OTUD7B: variants seen among roughly 807,000 people sequenced by gnomAD.
OTUD7B encodes OTU domain-containing protein 7B.
OTUD7B carries 34 observed loss-of-function variants against 82.2 expected under a neutral mutation model. The observed-to-expected ratio is 0.41, with a 90% CI of 0.31 to 0.55. The LOEUF is 0.55. Among genes scored for constraint, OTUD7B ranks in the 20% least tolerant of loss-of-function variants. The pLI, the probability that OTUD7B is intolerant of heterozygous loss-of-function variation, is 0.20. For synonymous variants in OTUD7B, 398 were observed against 402.7 expected (o/e 0.99, Z 0.14); for missense variants, 944 against 1,062.1 (o/e 0.89, Z 1.55).
rs782175104 is a variant in OTUD7B at position 149,944,572 on chromosome 1, T to A, written c.1817A>T (p.Glu606Val). The change falls in exon 12 of 12, where the codon GAG becomes GTG. Residue 606 changes from glutamate to valine, a missense_variant. Physicochemically the swap from Glu to Val is moderately radical, Grantham distance 121. Around this residue, in one of 3 missense-constraint regions of OTUD7B, gnomAD observed 412 missense variants for 418.7 expected, o/e 0.98. Coordinates refer to ENST00000581312, the MANE Select transcript of OTUD7B (RefSeq NM_020205.4). ...LSILRTAMQG[E>V]GKFIFVGTLK... ...GGTTCCAACAAAAATAAACTTCCCCTCCCCTTGCATGGCAGTCCTCAGAAT... is the reference window on the plus strand; with the variant it reads ...GGTTCCAACAAAAATAAACTTCCCCACCCCTTGCATGGCAGTCCTCAGAAT... The A allele has an allele frequency of 1.1e-5, 18 of 1,613,854 alleles. No individual in the cohort carries two copies. The African/African-American group carries it at 2.3e-4, about 20-fold the overall frequency.
the OTUD7B span, among the ~76,000 whole-genome samples, chr1:150,017,596 C>G: frequency 6.6e-6 from 1 of 152,310 alleles, no homozygotes; most frequent in East Asian, 1.9e-4. Flanking sequence ...ACTACCAACA[C>G]TTTAGCTCAG....
chr1:149,958,815 A>G (rs1028604049), intron 7 of OTUD7B, among the ~76,000 whole-genome samples: 3 of 151,010 alleles, frequency 2.0e-5, no homozygotes, highest in African/African-American at 7.3e-5. Context: ...TGCTGTCACA[A>G]CTCACTGCAG....
intron 6 of OTUD7B, 180 bp downstream of exon 6, chr1:149,964,042 T>G (rs1571635937): frequency 3.2e-6 from 2 of 632,770 alleles, no homozygotes; most frequent in East Asian, 5.6e-5. Context: ...CCAGTTCTCA[T>G]GACCACATCA....
chr1:149,983,045 G>A (rs966432812), intron 1 of OTUD7B, among the ~76,000 whole-genome samples: 1 of 151,574 alleles, frequency 6.6e-6, no homozygotes. Context: ...TTAGTAGAGA[G>A]GGGGTTTCAC....
the OTUD7B span, among the ~76,000 whole-genome samples, chr1:150,057,729 G>C: frequency 6.6e-6 from 1 of 152,292 alleles, no homozygotes; most frequent in East Asian, 1.9e-4. Flanking sequence ...TCTGTGTCTT[G>C]ATACTCTAAA....
At chr1:149,983,727 C>T (rs1040566900) in intron 1 of OTUD7B, among the ~76,000 whole-genome samples, 6 of 152,026 alleles carry the variant, frequency 3.9e-5, no homozygotes, top group African/African-American at 1.5e-4. Flanking sequence ...TGGGAAGCCA[C>T]TGAAAGGTTG....
At chr1:149,979,953 A>G (rs1449381628) in intron 1 of OTUD7B, among the ~76,000 whole-genome samples, 4 of 152,184 alleles carry the variant, frequency 2.6e-5, no homozygotes, top group African/African-American at 9.7e-5. Context: ...GCAACTGTAA[A>G]GCCATTTTAA....
chr1:149,999,207 A>C (rs1180469966), intron 1 of OTUD7B, among the ~76,000 whole-genome samples: 1 of 152,238 alleles, frequency 6.6e-6, no homozygotes, highest in African/African-American at 2.4e-5. Flanking sequence ...CTAGTATATT[A>C]TACAAAATTA....
chr1:149,964,185 T>G, intron 6 of OTUD7B, 37 bp downstream of exon 6: 3 of 1,605,246 alleles, frequency 1.9e-6, no homozygotes, highest in Non-Finnish European at 2.5e-6. Flanking sequence ...GCTTGGTAAC[T>G]TTAGGAAACA....
upstream of OTUD7B, among the ~76,000 whole-genome samples, chr1:150,015,274 T>TC (rs1653230751): frequency 4.6e-5 from 3 of 65,394 alleles, no homozygotes; most frequent in Non-Finnish European, 8.8e-5. Context: ...GTTCCTAAAT[T>TC]TCTTTTTTTC....
the OTUD7B span, among the ~76,000 whole-genome samples, chr1:150,020,641 A>C: frequency 2.0e-5 from 3 of 152,196 alleles, no homozygotes; most frequent in African/African-American, 7.2e-5. Flanking sequence ...TCCTATTTAA[A>C]ATTAAAACTG....
intron 1 of OTUD7B, among the ~76,000 whole-genome samples, chr1:149,979,983 G>A (rs587713555): frequency 6.6e-6 from 1 of 152,182 alleles, no homozygotes; most frequent in African/African-American, 2.4e-5. Flanking sequence ...GAAAGAATGT[G>A]AGAAATATAC....
At chr1:150,008,783 A>G (rs1652830655) in intron 1 of OTUD7B, among the ~76,000 whole-genome samples, 1 of 152,170 alleles carries the variant, frequency 6.6e-6, no homozygotes, top group African/African-American at 2.4e-5. Context: ...AAATCGAAAA[A>G]ATCTATTTTG....
chr1:150,063,997 C>A, the OTUD7B span, among the ~76,000 whole-genome samples: 34 of 152,188 alleles, frequency 2.2e-4, no homozygotes, highest in African/African-American at 7.9e-4. Flanking sequence ...AAGATCAAGT[C>A]TTAATGGAAA....
chr1:150,042,207 C>G, the OTUD7B span, among the ~76,000 whole-genome samples: 1 of 146,808 alleles, frequency 6.8e-6, no homozygotes, highest in South Asian at 2.2e-4. Flanking sequence ...TCATCTCACT[C>G]TGTCGCCCAG....
chr1:149,998,560 T>G (rs1379820672), intron 1 of OTUD7B, among the ~76,000 whole-genome samples: 2 of 152,270 alleles, frequency 1.3e-5, no homozygotes, highest in Non-Finnish European at 2.9e-5. Context: ...CTCTAAGGTC[T>G]AGATTACCAT....
upstream of OTUD7B, chr1:150,010,751 C>G (rs587762099): frequency 3.9e-5 from 6 of 152,376 alleles, no homozygotes; most frequent in South Asian, 1.2e-3. Flanking sequence ...CGGCCGGAAA[C>G]AGGCGCCAGT....
Position 149,959,743 on chromosome 1 carries a change from G to T in OTUD7B, c.786C>A (p.Ile262=). The change falls in exon 7 of 12, where the codon ATC becomes ATA. Residue 262 remains isoleucine, a synonymous_variant. Transcript: ENST00000581312. ...TTCGGGGTTCACTTGAGGCAAGCTTGATCAGTTCATTCCACTCCTTCTGCC... is the reference window on the plus strand; with the variant it reads ...TTCGGGGTTCACTTGAGGCAAGCTTTATCAGTTCATTCCACTCCTTCTGCC... The part of the protein sequence containing the change: ...DEWQKEWNEL[I]KLASSEPRMH... 1 of 1,614,074 alleles carries T rather than the reference G, an allele frequency of 6.2e-7. No individual in the cohort carries two copies. The highest frequency in any genetic ancestry group is 2.2e-5 in the East Asian group (1 of 44,872).
intron 2 of OTUD7B, among the ~76,000 whole-genome samples, chr1:149,976,847 A>G (rs1553778688): frequency 6.6e-6 from 1 of 151,902 alleles, no homozygotes; most frequent in Non-Finnish European, 1.5e-5. Context: ...TAGGCCGGGC[A>G]CAGTGGCTCA....
Sources: gnomAD v4.1 joint callset for allele counts (sites outside exome capture counted in the v4.1 genomes callset) on GRCh38, gnomAD v4.1.1 for gene constraint, gnomAD v4.1.1 regional missense constraint, MANE v1.5 for transcripts, NCBI Gene and HGNC (gene_info 2026-07-23, HGNC 2026-07-21) for gene names.